The following AGMO variants were observed in gnomAD, a reference collection of about 807,000 sequenced individuals.
The protein encoded by AGMO is glyceryl-ether monooxygenase.
AGMO carries 75 observed loss-of-function variants against 60.2 expected under a neutral mutation model. The ratio of observed to expected loss-of-function variants is 1.25; its 90% CI spans 1.03 to 1.51. The LOEUF (loss-of-function observed/expected upper bound fraction) is 1.51. Among genes scored for constraint, AGMO ranks in the 40% most tolerant of loss-of-function variants. AGMO has a pLI of 0.00. For synonymous variants in AGMO, 261 were observed against 177.1 expected (o/e 1.47, Z -3.76); for missense variants, 763 against 525.5 (o/e 1.45, Z -4.42).
intron 12 of AGMO, chr7:15,358,477 G>A: frequency 4.3e-6 from 2 of 467,544 alleles, no homozygotes; most frequent in Non-Finnish European, 8.9e-6. Context: ...AATTAATGTT[G>A]GTACTCCGTG....
At chr7:15,467,836 A>G (rs1782334820) in intron 3 of AGMO, among the ~76,000 whole-genome samples, 1 of 152,134 alleles carries the variant, frequency 6.6e-6, no homozygotes, top group Non-Finnish European at 1.5e-5. Flanking sequence ...AACCCTTTAG[A>G]AGAGTGACTT....
intron 12 of AGMO, among the ~76,000 whole-genome samples, chr7:15,248,222 A>ATCTATATCTATC (rs1331296298): frequency 2.9e-5 from 3 of 104,188 alleles, no homozygotes; most frequent in African/African-American, 1.1e-4. Context: ...ATATATATAT[A>ATCTATATCTATC]TATCTTCATC....
chr7:15,538,111 C>T (rs191805147), intron 3 of AGMO, among the ~76,000 whole-genome samples: 1 of 152,140 alleles, frequency 6.6e-6, no homozygotes, highest in East Asian at 1.9e-4. Flanking sequence ...TAAATAATCC[C>T]ACTTCAAGGA....
At chr7:15,228,876 C>T (rs930634796) in intron 12 of AGMO, among the ~76,000 whole-genome samples, 4 of 152,044 alleles carry the variant, frequency 2.6e-5, no homozygotes. Flanking sequence ...AAAAGCTCTC[C>T]AAATGATATT....
the AGMO span, among the ~76,000 whole-genome samples, chr7:15,126,030 C>A: frequency 1.3e-5 from 2 of 152,166 alleles, no homozygotes; most frequent in South Asian, 4.1e-4. Flanking sequence ...TTGTAACTAG[C>A]TTCAGGCATT....
chr7:15,344,940 T>C (rs1036637020), intron 12 of AGMO, among the ~76,000 whole-genome samples: 1 of 152,212 alleles, frequency 6.6e-6, no homozygotes, highest in Non-Finnish European at 1.5e-5. Flanking sequence ...ATGCAAAGAA[T>C]GAGAACAATT....
At chr7:15,247,690 T>A (rs1440422199) in intron 12 of AGMO, among the ~76,000 whole-genome samples, 1 of 152,066 alleles carries the variant, frequency 6.6e-6, no homozygotes, top group African/African-American at 2.4e-5. Context: ...TAACAAAATA[T>A]TTTCCCAACA....
intron 12 of AGMO, among the ~76,000 whole-genome samples, chr7:15,296,113 T>C (rs1784398188): frequency 6.6e-6 from 1 of 152,028 alleles, no homozygotes; most frequent in South Asian, 2.1e-4. Flanking sequence ...GATGTTAGTC[T>C]TTTTTTTCTA....
intron 12 of AGMO, among the ~76,000 whole-genome samples, chr7:15,251,625 T>A (rs1270466042): frequency 6.6e-6 from 1 of 152,144 alleles, no homozygotes; most frequent in Non-Finnish European, 1.5e-5. Context: ...TACTAAGCAT[T>A]TAGATTCAAT....
At chr7:15,192,240 C>G in the AGMO span, among the ~76,000 whole-genome samples, 1 of 151,752 alleles carries the variant, frequency 6.6e-6, no homozygotes, top group Middle Eastern at 3.4e-3. Context: ...GTTGCTTTAT[C>G]CAAAATCACC....
intron 2 of AGMO, among the ~76,000 whole-genome samples, chr7:15,558,824 A>C (rs1323481358): frequency 2.0e-5 from 3 of 152,096 alleles, no homozygotes; most frequent in African/African-American, 7.2e-5. Context: ...AGATATTTAA[A>C]GTTTTAATGT....
chr7:15,540,845 A>T (rs563176601), intron 3 of AGMO, among the ~76,000 whole-genome samples: 1 of 152,174 alleles, frequency 6.6e-6, no homozygotes, highest in African/African-American at 2.4e-5. Context: ...CTTTCTATAA[A>T]AGTATATATA....
chr7:15,552,215 C>T (rs955063283), intron 2 of AGMO, among the ~76,000 whole-genome samples: 3 of 152,170 alleles, frequency 2.0e-5, no homozygotes, highest in Non-Finnish European at 2.9e-5. Context: ...ACCATAAAAA[C>T]CCTAGAAGAA....
the AGMO span, among the ~76,000 whole-genome samples, chr7:15,194,213 A>G: frequency 1.3e-5 from 2 of 152,184 alleles, no homozygotes; most frequent in African/African-American, 4.8e-5. Context: ...CATTAATTGA[A>G]TGAAAATATT....
chr7:15,183,568 C>T, the AGMO span, among the ~76,000 whole-genome samples: 1 of 152,160 alleles, frequency 6.6e-6, no homozygotes, highest in Non-Finnish European at 1.5e-5. Flanking sequence ...CTAGAGTCAA[C>T]ACTTTTGGTT....
intron 12 of AGMO, among the ~76,000 whole-genome samples, chr7:15,305,809 T>TAAA (rs1208702295): frequency 1.3e-5 from 2 of 151,948 alleles, no homozygotes; most frequent in East Asian, 3.9e-4. Context: ...GAACTGTACT[T>TAAA]GTTTTTCCTC....
intron 2 of AGMO, among the ~76,000 whole-genome samples, chr7:15,553,374 T>C (rs1785031318): frequency 6.6e-6 from 1 of 150,602 alleles, no homozygotes; most frequent in Non-Finnish European, 1.5e-5. Context: ...AAAAGAAAGA[T>C]TAAAACAAAG....
intron 12 of AGMO, among the ~76,000 whole-genome samples, chr7:15,268,790 G>C (rs1361875430): frequency 6.6e-6 from 1 of 151,942 alleles, no homozygotes; most frequent in Non-Finnish European, 1.5e-5. Flanking sequence ...ATTTGGATGA[G>C]GCAGGTGGAC....
chr7:15,289,516 G>C (rs1784194658), intron 12 of AGMO, among the ~76,000 whole-genome samples: 1 of 151,762 alleles, frequency 6.6e-6, no homozygotes, highest in Admixed American at 6.6e-5. Flanking sequence ...ATGCTTTGTG[G>C]CTCACCAAGT....
Sources: gnomAD v4.1 joint callset for allele counts (sites outside exome capture counted in the v4.1 genomes callset) on GRCh38, gnomAD v4.1.1 for gene constraint, MANE v1.5 for transcripts, NCBI Gene and HGNC (gene_info 2026-07-23, HGNC 2026-07-21) for gene names.